The following MEGF9 variants were observed in gnomAD, a reference collection of about 807,000 sequenced individuals.
MEGF9 encodes the protein multiple EGF like domains 9.
MEGF9 carries 6 observed loss-of-function variants against 46.8 expected under a neutral mutation model. The ratio of observed to expected loss-of-function variants is 0.13; its 90% CI spans 0.07 to 0.25. The LOEUF (loss-of-function observed/expected upper bound fraction) is 0.25. MEGF9 is among the 10% of genes least tolerant of loss of function. MEGF9 has a pLI of 1.00. For synonymous variants in MEGF9, 302 were observed against 330.7 expected, an observed-to-expected ratio of 0.91 and a Z score of 0.94; for missense variants, 683 against 792.4, an observed-to-expected ratio of 0.86 and a Z score of 1.66.
At chr9:120,647,263 A>T (rs1432501971) in intron 2 of MEGF9, among the ~76,000 whole-genome samples, 1 of 152,172 alleles carries the variant, frequency 6.6e-6, no homozygotes, top group Admixed American at 6.6e-5. Flanking sequence ...TGAAAAAAAC[A>T]TAGAGCTTTC....
At chr9:120,626,475 A>G (rs1465578807) in intron 2 of MEGF9, among the ~76,000 whole-genome samples, 1 of 152,244 alleles carries the variant, frequency 6.6e-6, no homozygotes. Flanking sequence ...AAGTGTATAT[A>G]AATAAAAACA....
At chr9:120,620,438 GAAAAA>G (rs541794923) in intron 3 of MEGF9, among the ~76,000 whole-genome samples, 2 of 147,936 alleles carry the variant, frequency 1.4e-5, no homozygotes, top group African/African-American at 5.0e-5. Flanking sequence ...ATACAATGGT[GAAAAA>G]AAAAAGTTCT....
chr9:120,644,068 A>G (rs531856455), intron 2 of MEGF9, among the ~76,000 whole-genome samples: 56 of 152,214 alleles, frequency 3.7e-4, no homozygotes, highest in Non-Finnish European at 6.0e-4. Flanking sequence ...GGAGAAATTA[A>G]CAATGGCACA....
intron 1 of MEGF9, among the ~76,000 whole-genome samples, chr9:120,700,322 A>C (rs1484505453): frequency 6.6e-6 from 1 of 152,248 alleles, no homozygotes; most frequent in Non-Finnish European, 1.5e-5. Flanking sequence ...AAACTAACTT[A>C]AAAACTAAAA....
At chr9:120,631,504 A>G (rs2043550578) in intron 2 of MEGF9, among the ~76,000 whole-genome samples, 1 of 142,640 alleles carries the variant, frequency 7.0e-6, no homozygotes, top group African/African-American at 2.6e-5. Flanking sequence ...TTTTTTTCTG[A>G]GATGGAGTCT....
In MEGF9 at chr9:120,702,505, T is replaced by TA. The variant is rs1267213960; in HGVS notation, c.601+11252dup. 7.2e-5 allele frequency among the ~76,000 whole-genome samples: 11 copies of TA among 152,328 alleles called. No individual in the cohort carries two copies. In the East Asian group the frequency reaches 1.7e-3, roughly 24 times the overall value. On this transcript the variant is annotated intron_variant, in intron 1 of 5. Transcript: ENST00000373930. ...CAAAGAAGGTAATTAAAATTACCCA[T>TA]AATCCCATTACTTAGGTTTAACTAA... is the stretch of plus-strand genomic sequence containing the variant.
intron 2 of MEGF9, among the ~76,000 whole-genome samples, chr9:120,657,793 G>A (rs971301835): frequency 6.6e-6 from 1 of 152,104 alleles, no homozygotes; most frequent in Non-Finnish European, 1.5e-5. Context: ...CTATGGTAGT[G>A]AAGACACTGG....
rs77863010 is a variant in MEGF9, at chr9:120,697,568, T to A, written c.601+16190A>T. 3.1e-3 allele frequency among the ~76,000 whole-genome samples: 467 copies of A among 152,312 alleles called. 15 individuals are homozygous for A. The East Asian group carries it at 0.073, about 24-fold the overall frequency. ...TGTGGTATTACTTGCTAAATGCTAA[T>A]AAGCATGACATTGTCTCTTGTTAGC... On this transcript the variant is annotated intron_variant, in intron 1 of 5. Transcript: ENST00000373930.
rs574763790 is a variant in MEGF9 at position 120,701,115 on chromosome 9, T to C, written c.601+12643A>G. 4.1e-3 allele frequency among the ~76,000 whole-genome samples: 599 copies of C among 147,874 alleles called. 5 individuals carry two copies. The highest frequency in any genetic ancestry group is 0.014 in the African/African-American group (566 of 39,904). ...GGCTGGGTGACAGAGTGTGACCCTG[T>C]CTCAAAAAAAAGAAAAAAAAAAAAC... is the stretch of plus-strand genomic sequence containing the variant. On this transcript the variant is annotated intron_variant, in intron 1 of 5. Coordinates refer to ENST00000373930, the MANE Select transcript of MEGF9 (RefSeq NM_001080497.3).
Position 120,602,918 on chromosome 9 carries a change from C to T in MEGF9, c.*2272G>A, listed in dbSNP as rs1038386518. On this transcript the variant is annotated 3_prime_UTR_variant, in exon 6 of 6. Transcript: ENST00000373930. Reference sequence around the variant, plus strand: ...GAGATGAGTTCACCTTAATGAAGCACAAACTGGCAGTTTTGTTTTCTAATC... The same window carrying T: ...GAGATGAGTTCACCTTAATGAAGCATAAACTGGCAGTTTTGTTTTCTAATC... 2.0e-5 allele frequency: 3 copies of T among 152,140 alleles called. No individual in the cohort carries two copies. Among genetic ancestry groups the T allele is most frequent in the African/African-American group, 7.2e-5 (3 of 41,430 alleles). The allele number at this position is 152,140 out of a possible 1,614,324, so 9.4% of individuals were successfully genotyped here.
Position 120,713,970 on chromosome 9 carries a change from G to A in MEGF9, c.389C>T (p.Ala130Val), listed in dbSNP as rs776250862. The A allele has an allele frequency of 5.1e-6, 7 of 1,380,700 alleles. No individual in the cohort carries two copies. The highest frequency in any genetic ancestry group is 2.7e-5 in the Admixed American group (1 of 36,428). 85.5% of individuals were successfully genotyped at this position (1,380,700 alleles called of 1,614,324 possible). ...CTGAGAGGTGGTCGAAGTGCGTTCC[G>A]CCGCCGGAGGGGTGGTCGGCGAGGG... Reference protein sequence around the residue: ...LGPSPTTPPAAERTSTTSQAP... With the variant: ...LGPSPTTPPAVERTSTTSQAP... Residue 130 changes from alanine (A) to valine (V), a missense_variant, in exon 1 of 6, where the codon GCG becomes GTG. By Grantham distance (64) the Ala-to-Val change is moderately conservative. Coordinates refer to ENST00000373930, the MANE Select transcript of MEGF9 (RefSeq NM_001080497.3).
chr9:120,662,275 G>A (rs1307550726), intron 1 of MEGF9, among the ~76,000 whole-genome samples: 2 of 152,106 alleles, frequency 1.3e-5, no homozygotes, highest in Non-Finnish European at 2.9e-5. Context: ...AACATACTCC[G>A]GTTAGTCCTG....
intron 1 of MEGF9, among the ~76,000 whole-genome samples, chr9:120,702,055 T>TA (rs1408222402): frequency 2.0e-5 from 3 of 150,078 alleles, no homozygotes; most frequent in Non-Finnish European, 4.4e-5. Flanking sequence ...AAAAAAAAAA[T>TA]AAAAAATTAA....
chr9:120,623,100 T>C (rs2043507119), intron 2 of MEGF9, among the ~76,000 whole-genome samples: 1 of 152,222 alleles, frequency 6.6e-6, no homozygotes, highest in South Asian at 2.1e-4. Context: ...TAGTTCTACC[T>C]GGTGAGGGTC....
At chr9:120,700,104 A>G (rs1252927398) in intron 1 of MEGF9, among the ~76,000 whole-genome samples, 1 of 152,224 alleles carries the variant, frequency 6.6e-6, no homozygotes, top group Non-Finnish European at 1.5e-5. Context: ...GAGAAAGCCC[A>G]AAGTAGTTTA....
intron 1 of MEGF9, among the ~76,000 whole-genome samples, chr9:120,689,538 C>G (rs2043839005): frequency 6.6e-6 from 1 of 151,960 alleles, no homozygotes; most frequent in African/African-American, 2.4e-5. Context: ...TTTTAGCAGC[C>G]TGCTAAAAAA....
chr9:120,688,144 C>G, intron 1 of MEGF9, among the ~76,000 whole-genome samples: 1 of 150,214 alleles, frequency 6.7e-6, no homozygotes, highest in South Asian at 2.1e-4. Flanking sequence ...CACACACACA[C>G]ACACACACAC....
intron 1 of MEGF9, among the ~76,000 whole-genome samples, chr9:120,701,528 C>T (rs1408996627): frequency 6.6e-6 from 1 of 152,144 alleles, no homozygotes; most frequent in Admixed American, 6.5e-5. Flanking sequence ...TCATATAGAA[C>T]AGCTGTTATA....
intron 2 of MEGF9, among the ~76,000 whole-genome samples, chr9:120,656,261 G>A (rs2043676264): frequency 1.3e-5 from 2 of 152,082 alleles, no homozygotes. Flanking sequence ...AAAATTAAAT[G>A]AGATGGCTGG....
Sources: gnomAD v4.1 joint callset for allele counts (sites outside exome capture counted in the v4.1 genomes callset) on GRCh38, gnomAD v4.1.1 for gene constraint, MANE v1.5 for transcripts, NCBI Gene and HGNC (gene_info 2026-07-23, HGNC 2026-07-21) for gene names.